IQCK: variants seen among roughly 807,000 people sequenced by gnomAD.
IQCK encodes the protein IQ domain-containing protein K.
Under a neutral mutation model 28.1 loss-of-function variants are expected in IQCK, and 29 were observed. That is an observed-to-expected ratio of 1.03 (90% CI 0.77 to 1.41). IQCK has a LOEUF of 1.41. Among genes scored for constraint, IQCK ranks in the 40% most tolerant of loss-of-function variants. IQCK has a pLI of 0.00. For synonymous variants in IQCK, 113 were observed against 115.1 expected (o/e 0.98, Z 0.12); for missense variants, 359 against 314.7 (o/e 1.14, Z -1.07).
At chr16:19,763,857 A>G (rs1168454356) in exon 5 of IQCK, 5 of 1,613,264 alleles carry the variant, frequency 3.1e-6, no homozygotes, top group Non-Finnish European at 4.2e-6. Context: ...GAGGAAAAGA[A>G]CCAAATTCAT....
intron 7 of IQCK, among the ~76,000 whole-genome samples, chr16:19,810,629 A>G (rs985312405): frequency 4.6e-5 from 7 of 152,062 alleles, no homozygotes; most frequent in African/African-American, 1.7e-4. Context: ...CCTGGCCAAC[A>G]TGGCGAAACC....
chr16:19,770,724 G>A (rs542036287), intron 6 of IQCK, among the ~76,000 whole-genome samples: 1 of 152,302 alleles, frequency 6.6e-6, no homozygotes, highest in Admixed American at 6.5e-5. Context: ...CCGGGTTCAA[G>A]TGATTCTTCT....
chr16:19,783,751 C>T (rs368448127), intron 6 of IQCK, among the ~76,000 whole-genome samples: 32 of 152,252 alleles, frequency 2.1e-4, no homozygotes, highest in African/African-American at 7.0e-4. Context: ...AACTAGACAG[C>T]GCCCCATTAT....
chr16:19,817,466 G>A (rs1292484468), intron 7 of IQCK, among the ~76,000 whole-genome samples: 1 of 152,078 alleles, frequency 6.6e-6, no homozygotes, highest in African/African-American at 2.4e-5. Flanking sequence ...TTCTCTATGG[G>A]TAAATAGCAG....
intron 9 of IQCK, among the ~76,000 whole-genome samples, chr16:19,839,689 T>C (rs1159192247): frequency 1.3e-5 from 2 of 151,994 alleles, no homozygotes; most frequent in African/African-American, 2.4e-5. Flanking sequence ...TGCCAAACGC[T>C]CTATGGGCAA....
intron 6 of IQCK, among the ~76,000 whole-genome samples, chr16:19,785,012 A>G (rs1597557701): frequency 6.6e-6 from 1 of 151,974 alleles, no homozygotes; most frequent in African/African-American, 2.4e-5. Flanking sequence ...CAGGTGATCC[A>G]CCCGCCCCGG....
At chr16:19,759,519 CAGTT>C (rs1161441854) in intron 4 of IQCK, among the ~76,000 whole-genome samples, 1 of 152,028 alleles carries the variant, frequency 6.6e-6, no homozygotes, top group Non-Finnish European at 1.5e-5. Context: ...TCAGTGCAGT[CAGTT>C]AAGCACTGGG....
chr16:19,844,081 C>CTT (rs760051580), intron 9 of IQCK, among the ~76,000 whole-genome samples: 10 of 136,326 alleles, frequency 7.3e-5, no homozygotes, highest in African/African-American at 1.6e-4. Flanking sequence ...CATATGCTTG[C>CTT]TTTTTTTTTT....
At chr16:19,830,203 G>A (rs189074949), downstream of IQCK, among the ~76,000 whole-genome samples, 2 of 152,330 alleles carry the variant, frequency 1.3e-5, no homozygotes, top group East Asian at 3.9e-4. Flanking sequence ...ATGCACAACT[G>A]CAGTTTCATT....
At chr16:19,722,745 C>T (rs1273632903) in intron 1 of IQCK, among the ~76,000 whole-genome samples, 1 of 150,972 alleles carries the variant, frequency 6.6e-6, no homozygotes, top group African/African-American at 2.4e-5. Flanking sequence ...GAGACAGAGT[C>T]TTGCTCTGTT....
intron 6 of IQCK, among the ~76,000 whole-genome samples, chr16:19,764,692 CT>C (rs1277213098): frequency 1.4e-3 from 180 of 131,788 alleles, no homozygotes; most frequent in South Asian, 2.9e-3. Flanking sequence ...CCTTTAATTT[CT>C]TTTTTTTTTT....
At chr16:19,734,495 G>T (rs1333309832) in intron 3 of IQCK, among the ~76,000 whole-genome samples, 1 of 150,026 alleles carries the variant, frequency 6.7e-6, no homozygotes, top group African/African-American at 2.5e-5. Flanking sequence ...CAGGCATGGT[G>T]GTGCACACTG....
At chr16:19,822,405 A>G (rs916607927) in intron 7 of IQCK, among the ~76,000 whole-genome samples, 2 of 151,092 alleles carry the variant, frequency 1.3e-5, no homozygotes, top group East Asian at 1.9e-4. Flanking sequence ...AAAAAAAAAA[A>G]GCAAAACAAA....
intron 6 of IQCK, among the ~76,000 whole-genome samples, chr16:19,777,213 G>A (rs1289958549): frequency 6.6e-6 from 1 of 152,080 alleles, no homozygotes; most frequent in Non-Finnish European, 1.5e-5. Flanking sequence ...GGGGGCTGGG[G>A]GAACCTATGA....
At chr16:19,752,593 G>A (rs1249048542) in intron 4 of IQCK, among the ~76,000 whole-genome samples, 1 of 152,018 alleles carries the variant, frequency 6.6e-6, no homozygotes, top group African/African-American at 2.4e-5. Flanking sequence ...TTTTGAGATA[G>A]GGTCTCACTC....
chr16:19,719,528 T>A (rs978550042), intron 1 of IQCK, among the ~76,000 whole-genome samples: 1 of 150,782 alleles, frequency 6.6e-6, no homozygotes, highest in Admixed American at 6.6e-5. Flanking sequence ...GAGGTGGCGT[T>A]GCAGTGAGCC....
intron 6 of IQCK, chr16:19,766,086 A>G (rs967840451): frequency 2.6e-5 from 4 of 152,262 alleles, no homozygotes; most frequent in African/African-American, 7.2e-5. Flanking sequence ...CTCTTGCTTT[A>G]ACGGGCATTT....
chr16:19,831,763 G>A (rs1216781018), downstream of IQCK, among the ~76,000 whole-genome samples: 2 of 151,954 alleles, frequency 1.3e-5, no homozygotes, highest in African/African-American at 2.4e-5. Flanking sequence ...ACAGTACAAA[G>A]AGATTTTACC....
intron 9 of IQCK, among the ~76,000 whole-genome samples, chr16:19,834,390 C>T (rs1013204128): frequency 1.3e-5 from 2 of 152,180 alleles, no homozygotes; most frequent in African/African-American, 2.4e-5. Flanking sequence ...GATTTGAACC[C>T]GGATCTACCT....
Sources: gnomAD v4.1 joint callset for allele counts (sites outside exome capture counted in the v4.1 genomes callset) on GRCh38, gnomAD v4.1.1 for gene constraint, MANE v1.5 for transcripts, NCBI Gene and HGNC (gene_info 2026-07-23, HGNC 2026-07-21) for gene names.